ZNF398: variants seen among roughly 807,000 people sequenced by gnomAD.
ZNF398 encodes zinc finger DNA binding protein ZER6.
A neutral mutation model predicts 41.9 loss-of-function variants in ZNF398; 18 were observed. The observed-to-expected ratio is 0.43, with a 90% CI of 0.30 to 0.64. The LOEUF (loss-of-function observed/expected upper bound fraction) is 0.64, where lower values mean the gene tolerates loss of function less well. Among genes scored for constraint, ZNF398 ranks in the 30% least tolerant of loss-of-function variants. ZNF398 has a pLI of 0.14. For missense variants in ZNF398, 669 were observed against 822.8 expected (o/e 0.81, Z 2.29); for synonymous variants, 260 against 308.8 (o/e 0.84, Z 1.66).
intron 4 of ZNF398, among the ~76,000 whole-genome samples, chr7:149,174,508 AC>A (rs925344072): frequency 1.2e-4 from 18 of 152,174 alleles, no homozygotes; most frequent in African/African-American, 3.9e-4. Context: ...ATTTTTAAAA[AC>A]AAGCAGGTAA....
intron 2 of ZNF398, among the ~76,000 whole-genome samples, chr7:149,159,649 A>G (rs1795059404): frequency 1.3e-5 from 2 of 152,046 alleles, no homozygotes; most frequent in South Asian, 2.1e-4. Flanking sequence ...CTCCGTCTCA[A>G]AAAAAATGCT....
At position 149,169,996 on chromosome 7, in the gene ZNF398, G is replaced by A. The variant is rs142426029; in HGVS notation, c.661+3066G>A. Among the ~76,000 whole-genome samples the A allele has an allele frequency of 2.0e-5, 3 of 152,292 alleles. No homozygotes were observed. The East Asian group carries it at 5.8e-4, about 29-fold the overall frequency. ...CTCCCAGTGGAGTCTTATAGGATAT[G>A]CTTAATTGTTCCAGTAATGAGTTGT... On this transcript the variant is annotated intron_variant, in intron 4 of 5. Coordinates refer to ENST00000475153, the MANE Select transcript of ZNF398 (RefSeq NM_170686.3).
At position 149,166,557 on chromosome 7, in the gene ZNF398, C is replaced by T. The variant is rs1330033988; in HGVS notation, c.548-260C>T. On this transcript the variant is annotated intron_variant, in intron 3 of 5. Coordinates refer to ENST00000475153, the MANE Select transcript of ZNF398 (RefSeq NM_170686.3). ...CTTCACTTGGAAAGGAGCTTGACTT[C>T]TCCCCCTTGAGGCACACTGTCACTC... is the stretch of plus-strand genomic sequence containing the variant. 2.0e-5 allele frequency among the ~76,000 whole-genome samples: 3 copies of T among 152,326 alleles called. No homozygotes were observed. In the East Asian group the frequency reaches 5.8e-4, roughly 29 times the overall value.
intron 4 of ZNF398, among the ~76,000 whole-genome samples, chr7:149,170,735 A>G (rs918960050): frequency 3.3e-4 from 48 of 145,682 alleles, no homozygotes; most frequent in Non-Finnish European, 1.4e-4. Context: ...ACTCCATCTC[A>G]AAAAAAAAAA....
intron 1 of ZNF398, among the ~76,000 whole-genome samples, chr7:149,150,531 GGA>G (rs1325472346): frequency 6.6e-6 from 1 of 152,060 alleles, no homozygotes; most frequent in East Asian, 1.9e-4. Context: ...CCCATGAGAT[GGA>G]GGTTGCGGTA....
In ZNF398 at chr7:149,176,535, C is replaced by T. The variant is rs1051205447; in HGVS notation, c.729C>T (p.Ala243=). ...AAGAAGAAGAGCCTCAGGTTGGGGCCCCACCGGAGTCCAAGGAGAGTGACG... is the reference window on the plus strand; with the variant it reads ...AAGAAGAAGAGCCTCAGGTTGGGGCTCCACCGGAGTCCAAGGAGAGTGACG... ...IKQEEEPQVG[A]PPESKESDVY... Residue 243 remains alanine (A), a synonymous_variant, in exon 5 of 6, where the codon GCC becomes GCT. Transcript: ENST00000475153. 1.9e-6 allele frequency: 3 copies of T among 1,612,494 alleles called. No homozygotes were observed. The highest frequency in any genetic ancestry group is 1.7e-5 in the Admixed American group (1 of 59,614).
At position 149,176,520 on chromosome 7, in the gene ZNF398, G is replaced by A. The variant is rs751778980; in HGVS notation, c.714G>A (p.Glu238=). The A allele has an allele frequency of 6.2e-7, 1 of 1,613,546 alleles. No individual in the cohort carries two copies. Among genetic ancestry groups the A allele is most frequent in the Non-Finnish European group, 8.5e-7 (1 of 1,179,906 alleles). Reference sequence around the variant, plus strand: ...TGTCTTGGATTAAACAAGAAGAAGAGCCTCAGGTTGGGGCCCCACCGGAGT... The same window carrying A: ...TGTCTTGGATTAAACAAGAAGAAGAACCTCAGGTTGGGGCCCCACCGGAGT... ...DILSWIKQEE[E]PQVGAPPESK... is the part of the protein sequence containing the mutation. Residue 238 remains glutamate, a synonymous_variant, in exon 5 of 6, where the codon GAG becomes GAA. Coordinates refer to ENST00000475153, the MANE Select transcript of ZNF398 (RefSeq NM_170686.3).
At chr7:149,137,524 T>C (rs965913718) in intron 2 of ZNF398, among the ~76,000 whole-genome samples, 7 of 152,048 alleles carry the variant, frequency 4.6e-5, no homozygotes, top group African/African-American at 1.7e-4. Flanking sequence ...TGGGATAACA[T>C]GCGTGCACCA....
chr7:149,133,790 T>C (rs995124333), intron 2 of ZNF398, among the ~76,000 whole-genome samples: 5 of 148,976 alleles, frequency 3.4e-5, no homozygotes, highest in African/African-American at 1.2e-4. Flanking sequence ...GTTTTGCCCT[T>C]GTGCAAGCTG....
chr7:149,160,425 A>G (rs1241439001), intron 2 of ZNF398, among the ~76,000 whole-genome samples: 3 of 151,642 alleles, frequency 2.0e-5, no homozygotes, highest in East Asian at 3.9e-4. Context: ...TCTCTTCTGC[A>G]TATGGCCATT....
intron 2 of ZNF398, among the ~76,000 whole-genome samples, chr7:149,132,172 G>A (rs187208744): frequency 1.9e-4 from 28 of 149,472 alleles, no homozygotes; most frequent in Admixed American, 3.4e-4. Context: ...TTACTCCACC[G>A]ACTTCCTTAT....
chr7:149,148,742 C>T (rs1827026694), intron 1 of ZNF398, among the ~76,000 whole-genome samples: 1 of 152,182 alleles, frequency 6.6e-6, no homozygotes, highest in South Asian at 2.1e-4. Context: ...CTAAATCAAG[C>T]TTGTCCAACC....
At chr7:149,150,944 A>G (rs1387712203) in intron 1 of ZNF398, among the ~76,000 whole-genome samples, 1 of 152,176 alleles carries the variant, frequency 6.6e-6, no homozygotes, top group Non-Finnish European at 1.5e-5. Flanking sequence ...TCCTGACCTC[A>G]GGTGATCCAC....
chr7:149,133,218 C>T (rs1199998053), intron 2 of ZNF398, among the ~76,000 whole-genome samples: 2 of 151,652 alleles, frequency 1.3e-5, no homozygotes, highest in South Asian at 2.1e-4. Flanking sequence ...TTGGTTCAGG[C>T]GATTCTCCTG....
At chr7:149,158,325 A>T (rs1795028364) in intron 2 of ZNF398, among the ~76,000 whole-genome samples, 1 of 152,140 alleles carries the variant, frequency 6.6e-6, no homozygotes, top group African/African-American at 2.4e-5. Flanking sequence ...GACTGGTGGG[A>T]TAGAAGACTG....
chr7:149,159,850 C>G (rs962895823), intron 2 of ZNF398, among the ~76,000 whole-genome samples: 1 of 151,924 alleles, frequency 6.6e-6, no homozygotes, highest in Non-Finnish European at 1.5e-5. Flanking sequence ...GTCTCAGTCC[C>G]GAGTAGCTGG....
In ZNF398 at chr7:149,147,804, G is replaced by T; in HGVS notation, c.24+38G>T. The stretch of plus-strand genomic sequence containing the variant: ...GCGCGCGAGTGTTGTGAGCCCCCGA[G>T]ACCCAGACCCCGAGGGAGGAAGGCG... On this transcript the variant is annotated intron_variant, in intron 1 of 5. Transcript: ENST00000475153. The surrounding 1 kb of genome is among the most constrained non-coding windows in gnomAD (Gnocchi z 5.6). 1 of 1,363,756 alleles carries T rather than the reference G, an allele frequency of 7.3e-7. No homozygotes were observed. Among genetic ancestry groups the T allele is most frequent in the Non-Finnish European group, 9.5e-7 (1 of 1,057,324 alleles). 84.5% of individuals were successfully genotyped at this position (1,363,756 alleles called of 1,614,324 possible).
At chr7:149,142,550 C>T (rs1054578459), upstream of ZNF398, among the ~76,000 whole-genome samples, 12 of 152,180 alleles carry the variant, frequency 7.9e-5, no homozygotes, top group African/African-American at 2.9e-4. Context: ...ACCTGTAGTC[C>T]CAGCTACTCG....
In ZNF398 at chr7:149,181,322, G is replaced by A. The variant is rs933463457; in HGVS notation, c.*1521G>A. 1 of 142,018 alleles carries A rather than the reference G, an allele frequency of 7.0e-6. No homozygotes were observed. The highest frequency in any genetic ancestry group is 3.1e-5 in the African/African-American group (1 of 31,884). The allele number at this position is 142,018 out of a possible 1,614,324, so 8.8% of individuals were successfully genotyped here. ...AACTTGACTAAAATTTATTTGATTTGTTGTTTTACTCCCACTTGGAATCCT... is the reference window on the plus strand; with the variant it reads ...AACTTGACTAAAATTTATTTGATTTATTGTTTTACTCCCACTTGGAATCCT... On this transcript the variant is annotated 3_prime_UTR_variant, in exon 6 of 6. Coordinates refer to ENST00000475153, the MANE Select transcript of ZNF398 (RefSeq NM_170686.3).
Sources: allele counts gnomAD v4.1 joint callset (sites outside exome capture counted in the v4.1 genomes callset), GRCh38; gene constraint gnomAD v4.1.1; non-coding constraint Gnocchi (gnomAD v3.1); transcripts MANE v1.5; gene names NCBI Gene and HGNC (gene_info 2026-07-23, HGNC 2026-07-21).